Variants in C8orf89 observed in about 807,000 individuals in gnomAD.
The protein encoded by C8orf89 is chromosome 8 open reading frame 89.
A neutral mutation model predicts 15.8 loss-of-function variants in C8orf89; 14 were observed. The observed-to-expected ratio is 0.89, with a 90% CI of 0.59 to 1.39. The LOEUF (loss-of-function observed/expected upper bound fraction) is 1.39, where lower values mean the gene tolerates loss of function less well. Among genes scored for constraint, C8orf89 ranks in the 40% most tolerant of loss-of-function variants. The pLI is 0.00. For synonymous variants in C8orf89, 55 were observed against 62.2 expected (o/e 0.88, Z 0.54); for missense variants, 181 against 184.5 (o/e 0.98, Z 0.11).
intron 2 of C8orf89, among the ~76,000 whole-genome samples, chr8:73,256,467 C>T (rs549520188): frequency 1.5e-4 from 23 of 151,980 alleles, no homozygotes; most frequent in Non-Finnish European, 2.2e-4. Context: ...CAGTGGCTCA[C>T]GCCTGTAATC....
intron 2 of C8orf89, among the ~76,000 whole-genome samples, chr8:73,253,482 G>C (rs557085446): frequency 0.056 from 8,405 of 151,416 alleles, 320 homozygotes; most frequent in African/African-American, 0.11. Flanking sequence ...GAAAGTCATT[G>C]GTAGCTTGAT....
chr8:73,283,368 C>A, the C8orf89 span, among the ~76,000 whole-genome samples: 3 of 152,212 alleles, frequency 2.0e-5, no homozygotes, highest in East Asian at 5.8e-4. Context: ...GGGATTCAGA[C>A]CCTGCAAAGA....
chr8:73,278,034 G>A, the C8orf89 span: 6 of 518,036 alleles, frequency 1.2e-5, no homozygotes, highest in East Asian at 1.3e-4. Context: ...CTTGGGTTCT[G>A]GAAGAAAGAC....
upstream of C8orf89, among the ~76,000 whole-genome samples, chr8:73,261,410 C>T (rs963168469): frequency 9.3e-5 from 14 of 150,796 alleles, no homozygotes; most frequent in Admixed American, 2.6e-4. Flanking sequence ...AGAGGGCAAA[C>T]GGTGAGGGCA....
At chr8:73,280,476 T>G in the C8orf89 span, among the ~76,000 whole-genome samples, 1 of 152,142 alleles carries the variant, frequency 6.6e-6, no homozygotes, top group Non-Finnish European at 1.5e-5. Context: ...GTTCAAGCAG[T>G]TGTCCTGCCT....
chr8:73,241,723 G>C, intron 3 of C8orf89, 118 bp from the exon 4 acceptor site: 1 of 800,194 alleles, frequency 1.2e-6, no homozygotes, highest in East Asian at 2.8e-5. Context: ...CACACTACTA[G>C]TTCTTATACT....
At chr8:73,270,006 T>C in the C8orf89 span, among the ~76,000 whole-genome samples, 2 of 152,224 alleles carry the variant, frequency 1.3e-5, no homozygotes, top group Non-Finnish European at 2.9e-5. Context: ...AACACTAGTA[T>C]GTTAATGGGG....
At chr8:73,251,614 G>A (rs1184970104) in intron 2 of C8orf89, among the ~76,000 whole-genome samples, 1 of 152,104 alleles carries the variant, frequency 6.6e-6, no homozygotes, top group African/African-American at 2.4e-5. Flanking sequence ...TCAAATCAAT[G>A]TAAAATGTTT....
At position 73,257,087 on chromosome 8, in the gene C8orf89, C is replaced by T; in HGVS notation, c.167G>A (p.Cys56Tyr). 6.5e-7 allele frequency: 1 copy of T among 1,535,390 alleles called. No individual in the cohort carries two copies. Residue 56 changes from cysteine to tyrosine, a missense_variant, in exon 2 of 4, where the codon TGT (cysteine) becomes TAT (tyrosine). Physicochemically the swap from Cys to Tyr is radical, Grantham distance 194. Transcript: ENST00000624510. ...TCCTGGTAAATATGGCATTTTGATA[C>T]ATTCCTTGAGCTCTTCTAGACCAAA... ...TAFGLEELKE[C>Y]IKMPYLPGLQ...
chr8:73,250,900 G>A (rs1462017369), intron 2 of C8orf89, among the ~76,000 whole-genome samples: 1 of 151,950 alleles, frequency 6.6e-6, no homozygotes, highest in Non-Finnish European at 1.5e-5. Flanking sequence ...CTAGGCTCAA[G>A]CAATTTTCCT....
chr8:73,241,748 A>G, intron 3 of C8orf89, 143 bp from the exon 4 acceptor site: 1 of 576,522 alleles, frequency 1.7e-6, no homozygotes, highest in East Asian at 3.3e-5. Flanking sequence ...AGCTATACTA[A>G]CCCAAAAAAA....
the C8orf89 span, among the ~76,000 whole-genome samples, chr8:73,283,900 G>A: frequency 2.0e-5 from 3 of 151,940 alleles, no homozygotes; most frequent in African/African-American, 4.8e-5. Context: ...AAAATTACTC[G>A]AGCATGGTGG....
At chr8:73,268,478 C>CA in the C8orf89 span, among the ~76,000 whole-genome samples, 15 of 147,886 alleles carry the variant, frequency 1.0e-4, no homozygotes, top group Admixed American at 3.4e-4. Flanking sequence ...GACTCTGTCT[C>CA]AAAAAACAAA....
chr8:73,274,024 TTTTACCACCTTGAGATTACTG>T, the C8orf89 span, among the ~76,000 whole-genome samples: 1 of 152,160 alleles, frequency 6.6e-6, no homozygotes, highest in African/African-American at 2.4e-5. Flanking sequence ...ATCTAATTTT[TTTTACCACCTTGAGATTACTG>T]TTAACTATTT....
At chr8:73,272,224 GA>G in the C8orf89 span, among the ~76,000 whole-genome samples, 2 of 152,052 alleles carry the variant, frequency 1.3e-5, no homozygotes, top group African/African-American at 4.8e-5. Context: ...TGCAGATTCA[GA>G]AACATTTTCT....
chr8:73,276,239 C>T, the C8orf89 span, among the ~76,000 whole-genome samples: 1 of 142,046 alleles, frequency 7.0e-6, no homozygotes, highest in Non-Finnish European at 1.5e-5. Context: ...TGCAGTGGTG[C>T]AATCTCGGCT....
the C8orf89 span, among the ~76,000 whole-genome samples, chr8:73,274,163 T>C: frequency 6.6e-6 from 1 of 151,188 alleles, no homozygotes; most frequent in South Asian, 2.1e-4. Flanking sequence ...TATTTCATCT[T>C]TTTTTTTTGA....
At chr8:73,260,346 T>A (rs1007485541), upstream of C8orf89, among the ~76,000 whole-genome samples, 17 of 151,582 alleles carry the variant, frequency 1.1e-4, no homozygotes, top group Admixed American at 6.6e-5. Context: ...ATGAGAACAC[T>A]TGGACACAGG....
At chr8:73,281,847 A>G in the C8orf89 span, among the ~76,000 whole-genome samples, 1 of 152,180 alleles carries the variant, frequency 6.6e-6, no homozygotes, top group South Asian at 2.1e-4. Flanking sequence ...AATGTGTAAC[A>G]CTGCAAGAAG....
Sources: allele counts gnomAD v4.1 joint callset (sites outside exome capture counted in the v4.1 genomes callset), GRCh38; gene constraint gnomAD v4.1.1; transcripts MANE v1.5; gene names NCBI Gene and HGNC (gene_info 2026-07-23, HGNC 2026-07-21).